Variants in GALNT13 observed in about 807,000 individuals in gnomAD.
GALNT13 encodes UDP-GalNAc:polypeptide N-acetylgalactosaminyltransferase 13.
In GALNT13, 28 loss-of-function variants were observed where a neutral mutation model predicts 64.2. That is an observed-to-expected ratio of 0.44 (90% CI 0.32 to 0.60). The LOEUF (loss-of-function observed/expected upper bound fraction) is 0.60, where lower values mean the gene tolerates loss of function less well. GALNT13 is among the 20% of genes least tolerant of loss of function. The pLI is 0.05. For synonymous variants in GALNT13, 214 were observed against 224.6 expected (o/e 0.95, Z 0.42); for missense variants, 577 against 669.8 (o/e 0.86, Z 1.53).
At chr2:153,347,995 T>A in the GALNT13 span, among the ~76,000 whole-genome samples, 1 of 152,198 alleles carries the variant, frequency 6.6e-6, no homozygotes, top group South Asian at 2.1e-4. Context: ...TCTGAAGCAG[T>A]GCTCAGTCTT....
the GALNT13 span, among the ~76,000 whole-genome samples, chr2:153,416,040 A>G: frequency 6.6e-6 from 1 of 152,224 alleles, no homozygotes; most frequent in Admixed American, 6.5e-5. Context: ...ATCTACTGAA[A>G]TTAGGCCCTG....
At chr2:153,185,546 G>A in the GALNT13 span, among the ~76,000 whole-genome samples, 2 of 152,104 alleles carry the variant, frequency 1.3e-5, no homozygotes. Context: ...TAGTTGTGAT[G>A]TTAGTTTGCT....
chr2:154,245,640 A>C (rs566762962), intron 6 of GALNT13, among the ~76,000 whole-genome samples, 172 bp from the exon 7 acceptor site: 2 of 152,340 alleles, frequency 1.3e-5, no homozygotes, highest in African/African-American at 4.8e-5. Flanking sequence ...ACTGTAAGGA[A>C]TATGTAGTCA....
the GALNT13 span, among the ~76,000 whole-genome samples, chr2:153,759,816 T>A: frequency 6.6e-6 from 1 of 152,092 alleles, no homozygotes; most frequent in African/African-American, 2.4e-5. Flanking sequence ...ACCAGGATGA[T>A]TCTACCCTCA....
At position 154,306,226 on chromosome 2, in the gene GALNT13, C is replaced by T. The variant is rs539312952; in HGVS notation, c.1156+4637C>T. 1.2e-4 allele frequency among the ~76,000 whole-genome samples: 18 copies of T among 152,008 alleles called. No homozygotes were observed. The South Asian group carries it at 3.1e-3, about 26-fold the overall frequency. ...TGCAGGTTTGTTACATAGGTATACA[C>T]GTGCCATGGTGGTTTGCTGCACCCA... On this transcript the variant is annotated intron_variant, in intron 9 of 12. Coordinates refer to ENST00000392825, the MANE Select transcript of GALNT13 (RefSeq NM_052917.4).
chr2:153,930,052 T>TAG lies in GALNT13; in HGVS notation c.-104-14342_-104-14341insAG, dbSNP rs1690411147. 3.3e-5 allele frequency among the ~76,000 whole-genome samples: 5 copies of TAG among 152,264 alleles called. No individual in the cohort carries two copies. The East Asian group carries it at 9.6e-4, about 29-fold the overall frequency. On this transcript the variant is annotated intron_variant, in intron 2 of 12. Transcript: ENST00000392825. Reference sequence around the variant, plus strand: ...AATAGCCATTCTGACTGGTGTAAGGTGGTATCTCATTGTGGTTTTGATTTG... The same window carrying TAG: ...AATAGCCATTCTGACTGGTGTAAGGTAGGGTATCTCATTGTGGTTTTGATTTG...
chr2:153,263,507 A>G, the GALNT13 span, among the ~76,000 whole-genome samples: 1 of 152,236 alleles, frequency 6.6e-6, no homozygotes, highest in Non-Finnish European at 1.5e-5. Flanking sequence ...AATAGCAAAA[A>G]GAACAAAGCT....
chr2:153,346,173 C>G, the GALNT13 span, among the ~76,000 whole-genome samples: 1 of 152,164 alleles, frequency 6.6e-6, no homozygotes, highest in Non-Finnish European at 1.5e-5. Context: ...GATTTGCTCT[C>G]GCAGCCTCCC....
intron 9 of GALNT13, among the ~76,000 whole-genome samples, chr2:154,341,050 A>G (rs1695737327): frequency 6.6e-6 from 1 of 152,098 alleles, no homozygotes; most frequent in Admixed American, 6.6e-5. Flanking sequence ...TAGACTTTTG[A>G]ACTGACCCAA....
At chr2:153,805,430 AC>A in the GALNT13 span, among the ~76,000 whole-genome samples, 1 of 152,116 alleles carries the variant, frequency 6.6e-6, no homozygotes, top group Non-Finnish European at 1.5e-5. Context: ...TCACAGACAA[AC>A]TTTTTGTGAC....
chr2:154,296,101 C>A (rs1330829884), intron 8 of GALNT13, among the ~76,000 whole-genome samples: 2 of 152,028 alleles, frequency 1.3e-5, no homozygotes, highest in African/African-American at 4.8e-5. Context: ...ATTGTTAGTC[C>A]CATAGCTCAT....
chr2:153,312,961 T>TA, the GALNT13 span, among the ~76,000 whole-genome samples: 22 of 152,120 alleles, frequency 1.4e-4, no homozygotes, highest in Admixed American at 3.9e-4. Flanking sequence ...GGGCATCAAA[T>TA]AAAAAAAATT....
At chr2:153,817,161 T>C in the GALNT13 span, among the ~76,000 whole-genome samples, 1 of 152,196 alleles carries the variant, frequency 6.6e-6, no homozygotes, top group East Asian at 1.9e-4. Flanking sequence ...CACCAATGAC[T>C]CTTCCTCGGT....
intron 8 of GALNT13, among the ~76,000 whole-genome samples, chr2:154,288,404 A>G (rs1260376265): frequency 6.6e-6 from 1 of 152,062 alleles, no homozygotes; most frequent in African/African-American, 2.4e-5. Context: ...ATGTCCTCAC[A>G]TTTCAAAACC....
chr2:153,336,870 CA>C, the GALNT13 span, among the ~76,000 whole-genome samples: 13 of 152,062 alleles, frequency 8.5e-5, no homozygotes, highest in Non-Finnish European at 1.0e-4. Context: ...GGGAGGGACC[CA>C]GGGGGAGGCA....
At chr2:153,491,594 ATATT>A in the GALNT13 span, among the ~76,000 whole-genome samples, 4,460 of 145,396 alleles carry the variant, frequency 0.031, 179 homozygotes, top group African/African-American at 0.094. Flanking sequence ...AAACCATATT[ATATT>A]TATTTATTTA....
chr2:154,291,703 A>G (rs1370312517), intron 8 of GALNT13, among the ~76,000 whole-genome samples: 1 of 152,178 alleles, frequency 6.6e-6, no homozygotes, highest in Admixed American at 6.5e-5. Flanking sequence ...TGGCCAGACC[A>G]GGGAGCTGGC....
At chr2:154,287,295 C>T in intron 8 of GALNT13, 1 of 691,592 alleles carries the variant, frequency 1.4e-6, no homozygotes, top group South Asian at 1.5e-5. Flanking sequence ...AACTCACTGG[C>T]CATGGCGGGG....
chr2:154,061,221 T>C (rs1484501783), intron 3 of GALNT13, among the ~76,000 whole-genome samples: 1 of 152,190 alleles, frequency 6.6e-6, no homozygotes, highest in East Asian at 1.9e-4. Flanking sequence ...TATTTTATGT[T>C]ATTTTTCTAT....
Sources: allele counts gnomAD v4.1 joint callset (sites outside exome capture counted in the v4.1 genomes callset), GRCh38; gene constraint gnomAD v4.1.1; transcripts MANE v1.5; gene names NCBI Gene and HGNC (gene_info 2026-07-23, HGNC 2026-07-21).